HS1BP3: variants seen among roughly 807,000 people sequenced by gnomAD.
HS1BP3 encodes HCLS1 binding protein 3.
Under a neutral mutation model 33.5 loss-of-function variants are expected in HS1BP3, and 32 were observed. The observed-to-expected ratio is 0.95, with a 90% CI of 0.72 to 1.28. HS1BP3 has a LOEUF of 1.28. Ranked by LOEUF, HS1BP3 falls within the 50% of genes most tolerant of loss-of-function variation. HS1BP3 has a pLI of 0.00. For synonymous variants in HS1BP3, 187 were observed against 209.2 expected, an observed-to-expected ratio of 0.89 and a Z score of 0.92; for missense variants, 486 against 502.3, an observed-to-expected ratio of 0.97 and a Z score of 0.31.
intron 4 of HS1BP3, 45 bp from the exon 5 acceptor site, chr2:20,624,937 T>C (rs1270965641): frequency 2.5e-6 from 4 of 1,609,248 alleles, no homozygotes; most frequent in African/African-American, 1.3e-5. Flanking sequence ...TTCCCACAAG[T>C]GTCCAGGTGG....
downstream of HS1BP3, among the ~76,000 whole-genome samples, chr2:20,558,385 T>A (rs1380555754): frequency 6.6e-6 from 1 of 152,186 alleles, no homozygotes; most frequent in Non-Finnish European, 1.5e-5. Context: ...CTGGTACTTT[T>A]GTGCCTCCAT....
chr2:20,640,765 T>C (rs1199409141), intron 3 of HS1BP3: 4 of 620,564 alleles, frequency 6.4e-6, no homozygotes, highest in South Asian at 5.9e-5. Flanking sequence ...AGCCCCCACC[T>C]GACAGCCAGA....
chr2:20,566,202 C>T (rs1209044219), intron 5 of HS1BP3, among the ~76,000 whole-genome samples: 1 of 152,256 alleles, frequency 6.6e-6, no homozygotes, highest in Non-Finnish European at 1.5e-5. Flanking sequence ...GGCAGCCAGA[C>T]TTATTCCCCT....
rs144445111 is a variant in HS1BP3 at position 20,625,607 on chromosome 2, C to T, written c.624-715G>A. On this transcript the variant is annotated intron_variant, in intron 4 of 6. Coordinates refer to ENST00000304031, the MANE Select transcript of HS1BP3 (RefSeq NM_022460.4). ...AACACTTGGGTTCTGTGGAGCAGCCCCCCTCTTTCAGGAAGCCTCTCTGGG... is the reference window on the plus strand; with the variant it reads ...AACACTTGGGTTCTGTGGAGCAGCCTCCCTCTTTCAGGAAGCCTCTCTGGG... 2.3e-3 allele frequency among the ~76,000 whole-genome samples: 356 copies of T among 152,290 alleles called. 2 individuals carry two copies. The highest frequency in any genetic ancestry group is 8.3e-3 in the African/African-American group (343 of 41,556).
intron 2 of HS1BP3, among the ~76,000 whole-genome samples, chr2:20,607,362 G>C (rs994769417): frequency 2.0e-5 from 3 of 152,190 alleles, no homozygotes; most frequent in Admixed American, 2.0e-4. Flanking sequence ...CACCATGTTG[G>C]CCAGGCTGGT....
chr2:20,632,400 C>T (rs564531140), intron 4 of HS1BP3, among the ~76,000 whole-genome samples: 119 of 152,296 alleles, frequency 7.8e-4, no homozygotes, highest in Non-Finnish European at 1.5e-3. Flanking sequence ...CATCAAAAAC[C>T]GAGAGTGAAC....
At chr2:20,578,899 C>A (rs369963626) in intron 5 of HS1BP3, among the ~76,000 whole-genome samples, 1 of 152,328 alleles carries the variant, frequency 6.6e-6, no homozygotes. Context: ...CAGCAATGTC[C>A]AGGTTCAAAA....
chr2:20,621,237 A>C (rs909676852), intron 6 of HS1BP3, among the ~76,000 whole-genome samples: 4 of 152,154 alleles, frequency 2.6e-5, no homozygotes, highest in Non-Finnish European at 5.9e-5. Flanking sequence ...CCAGCACAGC[A>C]CCCCCAGGGG....
intron 5 of HS1BP3, among the ~76,000 whole-genome samples, chr2:20,567,184 C>T (rs1282555381): frequency 6.6e-6 from 1 of 152,000 alleles, no homozygotes; most frequent in Non-Finnish European, 1.5e-5. Flanking sequence ...CTTGATGTTA[C>T]TGAGAAAAGG....
At chr2:20,565,830 C>A (rs1041649070) in intron 5 of HS1BP3, among the ~76,000 whole-genome samples, 2 of 152,328 alleles carry the variant, frequency 1.3e-5, no homozygotes, top group East Asian at 1.9e-4. Flanking sequence ...AGAGCCGGAG[C>A]CCTGCTGGAG....
In HS1BP3 at chr2:20,638,238, C is replaced by G. The variant is rs1012828153; in HGVS notation, c.623+198G>C. 13 of 609,632 alleles carry G rather than the reference C, an allele frequency of 2.1e-5. No homozygotes were observed. The South Asian group carries it at 2.6e-4, about 12-fold the overall frequency. The allele number at this position is 609,632 out of a possible 1,614,324, so 37.8% of individuals were successfully genotyped here. On this transcript the variant is annotated intron_variant, in intron 4 of 6. Transcript: ENST00000304031. ...AGGGAGGCGACACCTAAGCCCAGTC[C>G]CAGAGACATGCACACCACCAAGGGC...
rs1197094853 is a variant in HS1BP3 at position 20,617,864 on chromosome 2, C to T, written c.*1123G>A. 1 of 152,664 alleles carries T rather than the reference C, an allele frequency of 6.6e-6. No individual in the cohort carries two copies. The highest frequency in any genetic ancestry group is 1.5e-5 in the Non-Finnish European group (1 of 68,070). The allele number at this position is 152,664 out of a possible 1,614,324, so 9.5% of individuals were successfully genotyped here. On this transcript the variant is annotated 3_prime_UTR_variant, in exon 7 of 7. Coordinates refer to ENST00000304031, the MANE Select transcript of HS1BP3 (RefSeq NM_022460.4). The stretch of plus-strand genomic sequence containing the variant: ...ATTAAACATCATTCACTGAGAATTT[C>T]CAAAGCACTGTGTGGTGCCTAGACC...
intron 2 of HS1BP3, 110 bp from the exon 3 acceptor site, chr2:20,641,290 G>A (rs1695339610): frequency 2.1e-6 from 2 of 952,436 alleles, no homozygotes; most frequent in Non-Finnish European, 3.2e-6. Flanking sequence ...AGTGTGCCAG[G>A]TACGCCCGCC....
intron 6 of HS1BP3, among the ~76,000 whole-genome samples, chr2:20,621,148 G>C (rs1184897096): frequency 1.3e-5 from 2 of 152,250 alleles, no homozygotes; most frequent in Admixed American, 1.3e-4. Context: ...GGCCGGGCAG[G>C]GGTGGGGATA....
chr2:20,608,738 T>C (rs1459399341), intron 2 of HS1BP3, among the ~76,000 whole-genome samples: 1 of 152,204 alleles, frequency 6.6e-6, no homozygotes, highest in Admixed American at 6.5e-5. Flanking sequence ...CTCACTCTGC[T>C]GCCCCAAGGA....
At chr2:20,645,989 C>T (rs1002623310) in intron 1 of HS1BP3, among the ~76,000 whole-genome samples, 4 of 152,210 alleles carry the variant, frequency 2.6e-5, no homozygotes, top group African/African-American at 9.6e-5. Flanking sequence ...GAGGCAGGAC[C>T]CTTGTGACCC....
At chr2:20,566,201 A>G (rs1265059462) in intron 5 of HS1BP3, among the ~76,000 whole-genome samples, 1 of 152,326 alleles carries the variant, frequency 6.6e-6, no homozygotes, top group South Asian at 2.1e-4. Context: ...TGGCAGCCAG[A>G]CTTATTCCCC....
intron 2 of HS1BP3, among the ~76,000 whole-genome samples, chr2:20,605,975 T>C (rs2149284460): frequency 6.6e-6 from 1 of 152,330 alleles, no homozygotes; most frequent in East Asian, 1.9e-4. Flanking sequence ...AGGAGTGGAA[T>C]GCTGGGTCAT....
chr2:20,645,254 G>A, intron 2 of HS1BP3, 86 bp downstream of exon 2: 1 of 1,366,436 alleles, frequency 7.3e-7, no homozygotes, highest in Non-Finnish European at 1.0e-6. Flanking sequence ...TGCTCTGGAT[G>A]CTACTTGAAC....
Sources: gnomAD v4.1 joint callset for allele counts (sites outside exome capture counted in the v4.1 genomes callset) on GRCh38, gnomAD v4.1.1 for gene constraint, MANE v1.5 for transcripts, NCBI Gene and HGNC (gene_info 2026-07-23, HGNC 2026-07-21) for gene names.